Variants in NDST4 observed in about 807,000 individuals in gnomAD.
The protein encoded by NDST4 is N-heparan sulfate sulfotransferase 4.
In NDST4, 63 loss-of-function variants were observed where a neutral mutation model predicts 100.8. The observed-to-expected ratio is 0.62, with a 90% CI of 0.51 to 0.77. The LOEUF (loss-of-function observed/expected upper bound fraction) is 0.77, where lower values mean the gene tolerates loss of function less well. NDST4 is among the 30% of genes least tolerant of loss of function. NDST4 has a pLI of 0.00. For synonymous variants in NDST4, 377 were observed against 361.8 expected, an observed-to-expected ratio of 1.04 and a Z score of -0.48; for missense variants, 943 against 1,018.4, an observed-to-expected ratio of 0.93 and a Z score of 1.01.
intron 4 of NDST4, among the ~76,000 whole-genome samples, chr4:114,938,686 T>G (rs921928338): frequency 6.6e-6 from 1 of 152,214 alleles, no homozygotes; most frequent in African/African-American, 2.4e-5. Flanking sequence ...AAGCAAGTAG[T>G]GAATGGATCA....
At chr4:115,094,095 A>G (rs1201767134) in intron 1 of NDST4, among the ~76,000 whole-genome samples, 6 of 152,088 alleles carry the variant, frequency 3.9e-5, no homozygotes, top group Non-Finnish European at 8.8e-5. Context: ...AAAGTAAACT[A>G]CATCTGCTTC....
intron 1 of NDST4, among the ~76,000 whole-genome samples, chr4:115,095,866 C>T (rs1000081599): frequency 2.6e-5 from 4 of 151,970 alleles, no homozygotes; most frequent in Non-Finnish European, 5.9e-5. Flanking sequence ...TAACAGTAAG[C>T]AATTAATAAT....
chr4:114,896,049 A>G lies in NDST4; in HGVS notation c.1537-25099T>C, dbSNP rs147054442. Among the ~76,000 whole-genome samples, 349 of 152,346 alleles carry G rather than the reference A, an allele frequency of 2.3e-3. 3 individuals are homozygous for G. The highest frequency in any genetic ancestry group is 0.017 in the South Asian group (82 of 4,828). ...ATAAAGCCTAAAGAATGTGATTCTA[A>G]TACAAAATATTAAGTAATATCAAAA... On this transcript the variant is annotated intron_variant, in intron 6 of 13. Transcript: ENST00000264363.
chr4:114,971,534 G>A (rs149273581), intron 3 of NDST4, among the ~76,000 whole-genome samples: 3 of 152,022 alleles, frequency 2.0e-5, no homozygotes, highest in Non-Finnish European at 2.9e-5. Flanking sequence ...GTTGTGAATC[G>A]ATAACATAAG....
chr4:114,829,926 T>C, intron 12 of NDST4, 34 bp from the exon 13 acceptor site: 2 of 1,506,376 alleles, frequency 1.3e-6, no homozygotes, highest in Admixed American at 1.9e-5. Flanking sequence ...TTACAAATTG[T>C]ATGCAGAATT....
intron 6 of NDST4, among the ~76,000 whole-genome samples, chr4:114,930,095 C>T (rs1226384818): frequency 2.0e-5 from 3 of 152,148 alleles, no homozygotes; most frequent in Non-Finnish European, 4.4e-5. Context: ...TTTCCACTTG[C>T]TTTCATTAAC....
At chr4:115,007,261 G>T (rs1421532903) in intron 2 of NDST4, among the ~76,000 whole-genome samples, 1 of 152,156 alleles carries the variant, frequency 6.6e-6, no homozygotes, top group Non-Finnish European at 1.5e-5. Context: ...TGCAGCTGTA[G>T]TATGGTTAAA....
chr4:115,019,702 G>T (rs966490622), intron 2 of NDST4, among the ~76,000 whole-genome samples: 2 of 152,112 alleles, frequency 1.3e-5, no homozygotes, highest in South Asian at 2.1e-4. Flanking sequence ...AATTACCATT[G>T]TAATGGAATA....
chr4:114,997,485 T>C (rs1248704693), intron 2 of NDST4, among the ~76,000 whole-genome samples: 2 of 152,040 alleles, frequency 1.3e-5, no homozygotes, highest in African/African-American at 4.8e-5. Context: ...TGGTTGGTGA[T>C]TAATTTTTTT....
Position 114,937,522 on chromosome 4 carries a change from A to T in NDST4, c.1222-19T>A. The T allele has an allele frequency of 6.5e-7, 1 of 1,528,412 alleles. No individual in the cohort carries two copies. The highest frequency in any genetic ancestry group is 8.8e-7 in the Non-Finnish European group (1 of 1,138,934). The allele number at this position is 1,528,412 out of a possible 1,614,324, so 94.7% of individuals were successfully genotyped here. A position where few individuals can be genotyped will look rare whatever the true frequency, so the allele number is the denominator to read the frequency against. On this transcript the variant is annotated intron_variant, in intron 4 of 13. Transcript: ENST00000264363. ...CATGTTCCTAAAACAAAGCCAGAAC[A>T]ACATCATGATGGGACAAGGCCAATT...
chr4:114,972,482 T>A (rs577507825), intron 3 of NDST4, among the ~76,000 whole-genome samples: 1 of 152,054 alleles, frequency 6.6e-6, no homozygotes, highest in East Asian at 1.9e-4. Context: ...ATTTTTGTTT[T>A]AGCTAACAGT....
chr4:114,966,728 A>T (rs920161171), intron 4 of NDST4, among the ~76,000 whole-genome samples: 1 of 152,112 alleles, frequency 6.6e-6, no homozygotes, highest in African/African-American at 2.4e-5. Context: ...AATTGCTTCA[A>T]TTCCAGCTAG....
intron 1 of NDST4, among the ~76,000 whole-genome samples, chr4:115,103,530 T>C (rs946442798): frequency 2.0e-5 from 3 of 152,188 alleles, no homozygotes; most frequent in African/African-American, 7.2e-5. Flanking sequence ...TTTCTAACTA[T>C]ATATTTAATA....
intron 2 of NDST4, among the ~76,000 whole-genome samples, chr4:115,018,036 C>T (rs1727727829): frequency 1.3e-5 from 2 of 151,682 alleles, no homozygotes; most frequent in Non-Finnish European, 2.9e-5. Flanking sequence ...GTGATTGAAC[C>T]ACAACAAACA....
chr4:115,001,679 G>C (rs1418663981), intron 2 of NDST4, among the ~76,000 whole-genome samples: 1 of 151,852 alleles, frequency 6.6e-6, no homozygotes, highest in South Asian at 2.1e-4. Flanking sequence ...TTCAGGACTA[G>C]AACCAAATAG....
chr4:114,832,292 G>A (rs1464234863), intron 12 of NDST4, among the ~76,000 whole-genome samples: 2 of 152,120 alleles, frequency 1.3e-5, no homozygotes, highest in East Asian at 3.9e-4. Context: ...TAGTGGATAA[G>A]GAACAACCCA....
intron 2 of NDST4, among the ~76,000 whole-genome samples, chr4:115,016,731 C>G (rs761656093): frequency 3.3e-5 from 5 of 151,998 alleles, no homozygotes; most frequent in Non-Finnish European, 7.4e-5. Context: ...TTACCATGCC[C>G]TGTGATTATC....
At chr4:114,980,277 A>G (rs1171830437) in intron 2 of NDST4, among the ~76,000 whole-genome samples, 1 of 152,218 alleles carries the variant, frequency 6.6e-6, no homozygotes, top group Non-Finnish European at 1.5e-5. Flanking sequence ...TACAAATAAA[A>G]TAGTAAAGCT....
At chr4:114,954,298 A>G (rs1393205245) in intron 4 of NDST4, among the ~76,000 whole-genome samples, 1 of 152,158 alleles carries the variant, frequency 6.6e-6, no homozygotes, top group Admixed American at 6.6e-5. Context: ...TTTAATTTAA[A>G]TTAAATTTAA....
Sources: allele counts gnomAD v4.1 joint callset (sites outside exome capture counted in the v4.1 genomes callset), GRCh38; gene constraint gnomAD v4.1.1; transcripts MANE v1.5; gene names NCBI Gene and HGNC (gene_info 2026-07-23, HGNC 2026-07-21).